GRIA1: variants seen among roughly 807,000 people sequenced by gnomAD.
GRIA1 encodes glutamate receptor 1.
Under a neutral mutation model 99.2 loss-of-function variants are expected in GRIA1, and 31 were observed. The ratio of observed to expected loss-of-function variants is 0.31; its 90% CI spans 0.23 to 0.42. The LOEUF is 0.42. Ranked by LOEUF, GRIA1 falls within the 10% of genes least tolerant of loss-of-function variation. The pLI, the probability that GRIA1 is intolerant of heterozygous loss-of-function variation, is 1.00. For synonymous variants in GRIA1, 438 were observed against 432.4 expected, an observed-to-expected ratio of 1.01 and a Z score of -0.16; for missense variants, 782 against 1,157.5, an observed-to-expected ratio of 0.68 and a Z score of 4.71.
intron 2 of GRIA1, among the ~76,000 whole-genome samples, chr5:153,535,543 A>C (rs1758487418): frequency 1.3e-5 from 2 of 152,238 alleles, no homozygotes; most frequent in Admixed American, 1.3e-4. Flanking sequence ...AAAAGAGTGT[A>C]AATAATTCAA....
At chr5:153,561,126 T>G (rs754597) in intron 2 of GRIA1, among the ~76,000 whole-genome samples, 14,693 of 152,162 alleles carry the variant, frequency 0.097, 784 homozygotes, top group South Asian at 0.19. Flanking sequence ...TTAGTAAACG[T>G]GGGGAAGGGA....
At chr5:153,588,023 G>T (rs1487908841) in intron 2 of GRIA1, among the ~76,000 whole-genome samples, 1 of 152,174 alleles carries the variant, frequency 6.6e-6, no homozygotes, top group Non-Finnish European at 1.5e-5. Flanking sequence ...AAGCATTAAG[G>T]TATCGAATGG....
chr5:153,772,393 G>A (rs574572612), intron 13 of GRIA1, among the ~76,000 whole-genome samples: 30 of 152,214 alleles, frequency 2.0e-4, no homozygotes, highest in Non-Finnish European at 4.4e-4. Flanking sequence ...TTGCACAGTC[G>A]ATTAACCAAA....
intron 11 of GRIA1, among the ~76,000 whole-genome samples, chr5:153,742,779 C>T (rs1434002826): frequency 6.6e-6 from 1 of 152,220 alleles, no homozygotes; most frequent in Admixed American, 6.5e-5. Context: ...CTGTCTTACT[C>T]CTTGAGCAAC....
chr5:153,619,288 A>G (rs1017226741), intron 2 of GRIA1, among the ~76,000 whole-genome samples: 26 of 152,352 alleles, frequency 1.7e-4, no homozygotes, highest in African/African-American at 4.3e-4. Context: ...GTACATTAGG[A>G]AGCCCCAAAC....
At chr5:153,507,611 G>A (rs1385439718) in intron 2 of GRIA1, among the ~76,000 whole-genome samples, 4 of 152,038 alleles carry the variant, frequency 2.6e-5, no homozygotes, top group South Asian at 4.1e-4. Context: ...ACTATGACTC[G>A]AGTCTATCCC....
chr5:153,757,524 AAG>A (rs1431121603), intron 11 of GRIA1, among the ~76,000 whole-genome samples: 1 of 152,232 alleles, frequency 6.6e-6, no homozygotes, highest in African/African-American at 2.4e-5. Context: ...ATCAAGGACA[AAG>A]AGAATTCTAA....
intron 10 of GRIA1, among the ~76,000 whole-genome samples, chr5:153,704,405 A>G (rs1758744435): frequency 6.6e-6 from 1 of 152,234 alleles, no homozygotes. Context: ...CAACAGGAGC[A>G]GTGGATTTCT....
chr5:153,492,145 G>T (rs755176176), intron 1 of GRIA1: 3 of 1,447,452 alleles, frequency 2.1e-6, no homozygotes, highest in Non-Finnish European at 2.7e-6. Context: ...GTGCTCTTTT[G>T]TGAGTGTGTG....
At chr5:153,630,612 A>C (rs771228820) in intron 2 of GRIA1, among the ~76,000 whole-genome samples, 1 of 152,168 alleles carries the variant, frequency 6.6e-6, no homozygotes, top group Non-Finnish European at 1.5e-5. Flanking sequence ...AGATCTTCAG[A>C]GTGAAGTCCC....
At chr5:153,593,807 C>T (rs1382526830) in intron 2 of GRIA1, among the ~76,000 whole-genome samples, 1 of 152,116 alleles carries the variant, frequency 6.6e-6, no homozygotes, top group Non-Finnish European at 1.5e-5. Context: ...CAACACTTTT[C>T]GCTAGTTCAG....
At chr5:153,533,309 C>T (rs901133662) in intron 2 of GRIA1, among the ~76,000 whole-genome samples, 2 of 151,766 alleles carry the variant, frequency 1.3e-5, no homozygotes, top group African/African-American at 4.8e-5. Context: ...ACAAAAGAAA[C>T]GTCACTGTTG....
Position 153,535,665 on chromosome 5 carries a change from T to G in GRIA1, c.220+41600T>G, listed in dbSNP as rs544236250. Among the ~76,000 whole-genome samples the G allele has an allele frequency of 5.3e-5, 8 of 152,352 alleles. No homozygotes were observed. In the South Asian group the frequency reaches 1.7e-3, roughly 32 times the overall value. ...GGCATCCATTCCTAACATAAAATAG[T>G]GTCTATGAATGGCAGCTGGTCATTA... On this transcript the variant is annotated intron_variant, in intron 2 of 15. Transcript: ENST00000285900.
chr5:153,619,141 G>A (rs949968181), intron 2 of GRIA1, among the ~76,000 whole-genome samples: 8 of 152,244 alleles, frequency 5.3e-5, no homozygotes, highest in Admixed American at 3.3e-4. Context: ...GGTTTAAACA[G>A]TTTTTTCCTC....
intron 2 of GRIA1, among the ~76,000 whole-genome samples, chr5:153,495,214 T>C (rs1754296590): frequency 6.6e-6 from 1 of 152,252 alleles, no homozygotes; most frequent in Admixed American, 6.5e-5. Context: ...ATAAATACTT[T>C]ATAGTCATTT....
intron 2 of GRIA1, among the ~76,000 whole-genome samples, chr5:153,610,776 G>A (rs973586621): frequency 4.6e-5 from 7 of 152,200 alleles, no homozygotes; most frequent in African/African-American, 1.7e-4. Flanking sequence ...AAAAAGTCAT[G>A]CATATAAAGT....
chr5:153,716,556 C>G (rs1474104733), intron 11 of GRIA1, among the ~76,000 whole-genome samples: 1 of 152,122 alleles, frequency 6.6e-6, no homozygotes, highest in Non-Finnish European at 1.5e-5. Flanking sequence ...CAGAGGCGAG[C>G]ACCCAGGAGA....
In GRIA1 at chr5:153,812,760, C is replaced by T. The variant is rs983301026; in HGVS notation, c.*1535C>T. 6.6e-6 allele frequency: 1 copy of T among 152,126 alleles called. No homozygotes were observed. Among genetic ancestry groups the T allele is most frequent in the African/African-American group, 2.4e-5 (1 of 41,412 alleles). 9.4% of individuals were successfully genotyped at this position (152,126 alleles called of 1,614,324 possible). A position where few individuals can be genotyped will look rare whatever the true frequency, so the allele number is the denominator to read the frequency against. ...TCAGCTTTTGTTGGAAGTGAGAATCCCTGACATATAGCTTTCTTGGAGATC... is the reference window on the plus strand; with the variant it reads ...TCAGCTTTTGTTGGAAGTGAGAATCTCTGACATATAGCTTTCTTGGAGATC... On this transcript the variant is annotated 3_prime_UTR_variant, in exon 16 of 16. Coordinates refer to ENST00000285900, the MANE Select transcript of GRIA1 (RefSeq NM_000827.4).
chr5:153,513,627 C>A lies in GRIA1; in HGVS notation c.220+19562C>A, dbSNP rs367992860. Among the ~76,000 whole-genome samples, 36 of 152,240 alleles carry A rather than the reference C, an allele frequency of 2.4e-4. No individual in the cohort carries two copies. In the South Asian group the frequency reaches 7.5e-3, roughly 32 times the overall value. On this transcript the variant is annotated intron_variant, in intron 2 of 15. Transcript: ENST00000285900. ...CTGATTAACCTGTGATCTTGGGCAA[C>A]CCACTGATCTGTTCTTTGTTTCAGT... is the stretch of plus-strand genomic sequence containing the variant.
Sources: allele counts gnomAD v4.1 joint callset (sites outside exome capture counted in the v4.1 genomes callset), GRCh38; gene constraint gnomAD v4.1.1; transcripts MANE v1.5; gene names NCBI Gene and HGNC (gene_info 2026-07-23, HGNC 2026-07-21).